The following MARCHF1 variants were observed in gnomAD, a reference collection of about 807,000 sequenced individuals.
MARCHF1 encodes E3 ubiquitin-protein ligase MARCHF1.
A neutral mutation model predicts 54.2 loss-of-function variants in MARCHF1; 40 were observed. The observed-to-expected ratio is 0.74, with a 90% CI of 0.57 to 0.96. MARCHF1 has a LOEUF of 0.96. MARCHF1 is among the 40% of genes least tolerant of loss of function. The pLI, the probability that MARCHF1 is intolerant of heterozygous loss-of-function variation, is 0.00. For synonymous variants in MARCHF1, 236 were observed against 236.3 expected (o/e 1.00, Z 0.01); for missense variants, 586 against 656.5 (o/e 0.89, Z 1.17).
At chr4:164,244,981 A>G (rs1658396430) in intron 1 of MARCHF1, among the ~76,000 whole-genome samples, 2 of 152,220 alleles carry the variant, frequency 1.3e-5, no homozygotes, top group South Asian at 2.1e-4. Flanking sequence ...TTACCAGCCA[A>G]AAAGAGTCCA....
rs114568466 is a variant in MARCHF1 at position 163,674,670 on chromosome 4, C to A, written c.162+26143G>T. ...GAAACAGGGGCTCACAAATCAGACA[C>A]TAGATACCTGACTAATGCCACTATG... On this transcript the variant is annotated intron_variant, in intron 5 of 9. Transcript: ENST00000514618. 6.1e-3 allele frequency among the ~76,000 whole-genome samples: 921 copies of A among 152,228 alleles called. 12 individuals carry two copies. The highest frequency in any genetic ancestry group is 0.021 in the African/African-American group (869 of 41,526).
In MARCHF1 at chr4:164,199,661, CACACACACACACACACACACAG is replaced by C. The variant is rs1240056404; in HGVS notation, c.-322-88021_-322-88000del. 4.2e-3 allele frequency among the ~76,000 whole-genome samples: 325 copies of C among 77,682 alleles called. 1 individual carries two copies. Among genetic ancestry groups the C allele is most frequent in the Admixed American group, 7.3e-3 (54 of 7,400 alleles). The allele number at this position is 77,682 out of a possible 152,430, so 51.0% of individuals were successfully genotyped here. On this transcript the variant is annotated intron_variant, in intron 1 of 9. Coordinates refer to ENST00000514618, the MANE Select transcript of MARCHF1 (RefSeq NM_001394959.1). ...ACACACACACACACACACACACACA[CACACACACACACACACACACAG>C]AGAGAGAGAGAGAGAGAGAGAGAGA...
At chr4:163,895,632 G>T (rs1750788312) in intron 3 of MARCHF1, among the ~76,000 whole-genome samples, 1 of 152,186 alleles carries the variant, frequency 6.6e-6, no homozygotes, top group African/African-American at 2.4e-5. Flanking sequence ...CTCTAAGGCT[G>T]CCTGCACCAC....
At chr4:164,200,791 G>A (rs1731430405) in intron 1 of MARCHF1, among the ~76,000 whole-genome samples, 1 of 152,194 alleles carries the variant, frequency 6.6e-6, no homozygotes, top group African/African-American at 2.4e-5. Flanking sequence ...GCTAGGAAGT[G>A]AAGAAAACAG....
intron 1 of MARCHF1, among the ~76,000 whole-genome samples, chr4:164,253,579 G>A (rs1201929766): frequency 3.3e-5 from 5 of 152,148 alleles, no homozygotes; most frequent in Admixed American, 1.3e-4. Flanking sequence ...TTGTTTGGGG[G>A]AAAAATATTG....
chr4:164,074,533 T>C (rs1232280478), intron 2 of MARCHF1, among the ~76,000 whole-genome samples: 8 of 152,206 alleles, frequency 5.3e-5, no homozygotes, highest in Admixed American at 3.9e-4. Context: ...TACTTTTTGC[T>C]TCATTATTTA....
chr4:164,341,222 C>T (rs944928047), intron 1 of MARCHF1, among the ~76,000 whole-genome samples: 1 of 151,816 alleles, frequency 6.6e-6, no homozygotes, highest in Non-Finnish European at 1.5e-5. Flanking sequence ...AAGTAACATA[C>T]CTCAGCACAA....
At chr4:163,904,801 G>GATAGAGAGAT (rs5863636) in intron 3 of MARCHF1, among the ~76,000 whole-genome samples, 2 of 151,858 alleles carry the variant, frequency 1.3e-5, no homozygotes, top group African/African-American at 4.8e-5. Flanking sequence ...AAGAGAGAGA[G>GATAGAGAGAT]AGAGAGACAG....
chr4:163,777,786 C>T (rs1037224633), intron 4 of MARCHF1, among the ~76,000 whole-genome samples: 3 of 152,062 alleles, frequency 2.0e-5, no homozygotes, highest in African/African-American at 4.8e-5. Context: ...AATTTACATA[C>T]AATAAAATTG....
intron 2 of MARCHF1, among the ~76,000 whole-genome samples, chr4:164,105,506 C>A (rs1390373158): frequency 1.5e-5 from 2 of 130,410 alleles, no homozygotes; most frequent in East Asian, 2.1e-4. Flanking sequence ...GAAAAACAAG[C>A]AATGGGGAAA....
chr4:163,990,631 A>G (rs1752953026), intron 2 of MARCHF1, among the ~76,000 whole-genome samples: 1 of 152,190 alleles, frequency 6.6e-6, no homozygotes, highest in South Asian at 2.1e-4. Context: ...GTTAAAACTA[A>G]TAATTCTTAA....
intron 4 of MARCHF1, among the ~76,000 whole-genome samples, chr4:163,837,553 CTT>C (rs1335686575): frequency 6.6e-6 from 1 of 151,812 alleles, no homozygotes; most frequent in African/African-American, 2.4e-5. Flanking sequence ...TCAAGGTAGA[CTT>C]TAAGGAAAGA....
chr4:164,372,643 T>C (rs1413129064), intron 1 of MARCHF1, among the ~76,000 whole-genome samples: 1 of 152,132 alleles, frequency 6.6e-6, no homozygotes, highest in Non-Finnish European at 1.5e-5. Flanking sequence ...TATAATATGG[T>C]AAAAACACCC....
chr4:164,167,781 G>A lies in MARCHF1; in HGVS notation c.-322-56119C>T, dbSNP rs531265812. Among the ~76,000 whole-genome samples the A allele has an allele frequency of 1.9e-4, 29 of 151,866 alleles. 1 individual carries two copies. In the South Asian group the frequency reaches 4.4e-3, roughly 23 times the overall value. On this transcript the variant is annotated intron_variant, in intron 1 of 9. Coordinates refer to ENST00000514618, the MANE Select transcript of MARCHF1 (RefSeq NM_001394959.1). Reference sequence around the variant, plus strand: ...ACCACACAAAAATCAATGCAAAATTGATAAAAGACATAAATATAAGACTGA... The same window carrying A: ...ACCACACAAAAATCAATGCAAAATTAATAAAAGACATAAATATAAGACTGA...
chr4:164,209,416 A>G (rs1267107354), intron 1 of MARCHF1, among the ~76,000 whole-genome samples: 3 of 152,108 alleles, frequency 2.0e-5, no homozygotes, highest in Non-Finnish European at 4.4e-5. Context: ...CTCATAGTAC[A>G]CTGGCCAGAA....
At chr4:163,692,795 G>A (rs1744506215) in intron 5 of MARCHF1, among the ~76,000 whole-genome samples, 1 of 151,170 alleles carries the variant, frequency 6.6e-6, no homozygotes, top group Non-Finnish European at 1.5e-5. Context: ...AAACTGGTAG[G>A]TCAGGCAAAT....
intron 4 of MARCHF1, among the ~76,000 whole-genome samples, chr4:163,851,538 G>A (rs1049888588): frequency 2.0e-5 from 3 of 152,186 alleles, no homozygotes; most frequent in Admixed American, 1.3e-4. Context: ...CAGAGATCAC[G>A]GATTTGTGCT....
At chr4:163,618,450 C>T (rs747054736) in intron 5 of MARCHF1, among the ~76,000 whole-genome samples, 4 of 152,132 alleles carry the variant, frequency 2.6e-5, no homozygotes, top group South Asian at 2.1e-4. Flanking sequence ...GAGGTAACTT[C>T]CAGAGTTTCT....
chr4:164,116,582 A>C (rs912364769), intron 1 of MARCHF1, among the ~76,000 whole-genome samples: 1 of 151,228 alleles, frequency 6.6e-6, no homozygotes, highest in Admixed American at 6.6e-5. Context: ...GCCACTAGCC[A>C]CGTGTAAATT....
Sources: allele counts gnomAD v4.1 joint callset (sites outside exome capture counted in the v4.1 genomes callset), GRCh38; gene constraint gnomAD v4.1.1; transcripts MANE v1.5; gene names NCBI Gene and HGNC (gene_info 2026-07-23, HGNC 2026-07-21).